The following ADAMTS17 variants were observed in gnomAD, a reference collection of about 807,000 sequenced individuals.
The protein encoded by ADAMTS17 is ADAM metallopeptidase with thrombospondin type 1 motif 17.
A neutral mutation model predicts 141.5 loss-of-function variants in ADAMTS17; 113 were observed. The ratio of observed to expected loss-of-function variants is 0.80; its 90% CI spans 0.69 to 0.93. ADAMTS17 has a LOEUF of 0.93. ADAMTS17 is among the 40% of genes least tolerant of loss of function. The probability of loss-of-function intolerance (pLI) is 0.00; values close to 1 mark genes in which losing one functional copy is unlikely to be tolerated. For missense variants in ADAMTS17, 1,659 were observed against 1,517.9 expected, an observed-to-expected ratio of 1.09 and a Z score of -1.54; for synonymous variants, 768 against 630.6, an observed-to-expected ratio of 1.22 and a Z score of -3.27.
chr15:100,041,908 A>G (rs1188268392), intron 18 of ADAMTS17, among the ~76,000 whole-genome samples: 1 of 152,146 alleles, frequency 6.6e-6, no homozygotes, highest in Non-Finnish European at 1.5e-5. Flanking sequence ...AAAGACAAAC[A>G]TCTCTGCCAC....
intron 18 of ADAMTS17, among the ~76,000 whole-genome samples, chr15:100,008,232 C>T (rs920042108): frequency 6.6e-6 from 1 of 151,936 alleles, no homozygotes. Context: ...CCAGAGGTGC[C>T]TGGGAGTCGG....
intron 3 of ADAMTS17, among the ~76,000 whole-genome samples, chr15:100,295,351 C>A (rs2142147305): frequency 6.6e-6 from 1 of 152,294 alleles, no homozygotes; most frequent in African/African-American, 2.4e-5. Context: ...TGGCTTCCTG[C>A]TGAGCTCTGT....
intron 7 of ADAMTS17, among the ~76,000 whole-genome samples, chr15:100,210,641 G>T (rs980253756): frequency 6.6e-6 from 1 of 152,212 alleles, no homozygotes; most frequent in Non-Finnish European, 1.5e-5. Context: ...GGATTGAAAT[G>T]AAAATTCTAA....
At chr15:100,141,318 C>T (rs1268340536) in intron 10 of ADAMTS17, among the ~76,000 whole-genome samples, 1 of 152,154 alleles carries the variant, frequency 6.6e-6, no homozygotes, top group Non-Finnish European at 1.5e-5. Context: ...TGGTGGTGTC[C>T]CTGTCAAGGA....
intron 18 of ADAMTS17, among the ~76,000 whole-genome samples, chr15:100,029,438 T>C (rs1317857580): frequency 1.3e-5 from 2 of 152,166 alleles, no homozygotes; most frequent in Non-Finnish European, 2.9e-5. Flanking sequence ...AGTCCTTTCA[T>C]TCATCCATTT....
At chr15:100,283,762 T>C (rs931892098) in intron 3 of ADAMTS17, among the ~76,000 whole-genome samples, 5 of 152,204 alleles carry the variant, frequency 3.3e-5, no homozygotes, top group African/African-American at 1.2e-4. Flanking sequence ...AAGTAGCCTG[T>C]CACTCCCAGA....
rs190117090 is a variant in ADAMTS17 at position 99,987,346 on chromosome 15, G to C, written c.2949+5702C>G. 7.4e-4 allele frequency among the ~76,000 whole-genome samples: 112 copies of C among 152,290 alleles called. 1 individual carries two copies. Among genetic ancestry groups the C allele is most frequent in the African/African-American group, 2.2e-3 (90 of 41,540 alleles). ...TGCTGCTGCTGCTGCTGCGGTGTTTGCCTCCCAAGACCTCGAAACTGGACA... is the reference window on the plus strand; with the variant it reads ...TGCTGCTGCTGCTGCTGCGGTGTTTCCCTCCCAAGACCTCGAAACTGGACA... On this transcript the variant is annotated intron_variant, in intron 20 of 21. Coordinates refer to ENST00000268070, the MANE Select transcript of ADAMTS17 (RefSeq NM_139057.4).
In ADAMTS17 at chr15:100,152,762, C is replaced by G; in HGVS notation, c.1323G>C (p.Lys441Asn). The G allele has an allele frequency of 6.2e-7, 1 of 1,614,146 alleles. No homozygotes were observed. Among genetic ancestry groups the G allele is most frequent in the South Asian group, 1.1e-5 (1 of 91,076 alleles). ...CTAGCAAGCAGGTGCTGACTTTTGA[C>G]CTGAAACAGCCGAGAGGCAAGTTGA... ...CSRDDLENFL[K>N]SKVSTCLLVT... Residue 441 changes from lysine to asparagine, a missense_variant and splice_region_variant, in exon 10 of 22, where the codon AAG becomes AAC. Physicochemically the swap from Lys to Asn is moderately conservative, Grantham distance 94. Coordinates refer to ENST00000268070, the MANE Select transcript of ADAMTS17 (RefSeq NM_139057.4).
At chr15:100,113,793 G>A (rs555764496) in intron 13 of ADAMTS17, among the ~76,000 whole-genome samples, 7 of 152,310 alleles carry the variant, frequency 4.6e-5, no homozygotes, top group East Asian at 1.9e-4. Flanking sequence ...TAACCATCAC[G>A]CCCCTCATCC....
chr15:100,030,576 C>T (rs1490658652), intron 18 of ADAMTS17, among the ~76,000 whole-genome samples: 1 of 152,158 alleles, frequency 6.6e-6, no homozygotes, highest in African/African-American at 2.4e-5. Flanking sequence ...GATGCTGAGA[C>T]CCTCCCATGA....
At chr15:100,152,335 G>A (rs945661456) in intron 10 of ADAMTS17, among the ~76,000 whole-genome samples, 2 of 152,200 alleles carry the variant, frequency 1.3e-5, no homozygotes. Flanking sequence ...AAGTGCCCGT[G>A]TGGGGGACTG....
intron 3 of ADAMTS17, among the ~76,000 whole-genome samples, chr15:100,307,454 A>T (rs190481055): frequency 1.8e-3 from 280 of 152,334 alleles, no homozygotes; most frequent in Middle Eastern, 3.4e-3. Flanking sequence ...GCAAGCAAGG[A>T]AGCCCCAGCC....
At chr15:100,146,855 T>C (rs1040655556) in intron 10 of ADAMTS17, among the ~76,000 whole-genome samples, 5 of 152,188 alleles carry the variant, frequency 3.3e-5, no homozygotes, top group African/African-American at 9.7e-5. Flanking sequence ...CAGTCTCCCA[T>C]AGCGCTCCCA....
intron 3 of ADAMTS17, among the ~76,000 whole-genome samples, chr15:100,311,829 GAA>G (rs112467336): frequency 1.2e-4 from 18 of 144,974 alleles, no homozygotes; most frequent in African/African-American, 2.3e-4. Context: ...AGTGAAAAAG[GAA>G]AAAAAAAAAA....
In ADAMTS17 at chr15:100,096,680, C is replaced by T. The variant is rs73476448; in HGVS notation, c.2017-204G>A. Among the ~76,000 whole-genome samples the T allele has an allele frequency of 2.0e-3, 300 of 150,246 alleles. 1 individual carries two copies. The highest frequency in any genetic ancestry group is 6.9e-3 in the African/African-American group (281 of 40,776). ...AACCTAGATTATATTTGTCTTTATACCCGCATAGCTGTAAAGTCTATTTTT... is the reference window on the plus strand; with the variant it reads ...AACCTAGATTATATTTGTCTTTATATCCGCATAGCTGTAAAGTCTATTTTT... On this transcript the variant is annotated intron_variant, in intron 14 of 21. Transcript: ENST00000268070.
At chr15:100,001,982 A>G (rs1222688865) in intron 18 of ADAMTS17, among the ~76,000 whole-genome samples, 1 of 137,136 alleles carries the variant, frequency 7.3e-6, no homozygotes. Context: ...GTCTCAAAAA[A>G]AAGGCCAAAC....
rs567084956 is a variant in ADAMTS17 at position 99,997,746 on chromosome 15, A to G, written c.2592-157T>C. Among the ~76,000 whole-genome samples the G allele has an allele frequency of 2.1e-4, 32 of 152,354 alleles. No individual in the cohort carries two copies. The highest frequency in any genetic ancestry group is 7.0e-4 in the African/African-American group (29 of 41,578). On this transcript the variant is annotated intron_variant, in intron 18 of 21. Transcript: ENST00000268070. The surrounding 1 kb of genome is among the most constrained non-coding windows in gnomAD (Gnocchi z 4.7). ...GCCAACCCTGGACATAACTCAGAGTATCGGCACAGAGGGAGTGACTTGAGT... is the reference window on the plus strand; with the variant it reads ...GCCAACCCTGGACATAACTCAGAGTGTCGGCACAGAGGGAGTGACTTGAGT...
At chr15:100,109,680 A>G (rs2036628744) in intron 13 of ADAMTS17, among the ~76,000 whole-genome samples, 1 of 152,108 alleles carries the variant, frequency 6.6e-6, no homozygotes, top group Admixed American at 6.5e-5. Flanking sequence ...GTGCGCCGCT[A>G]GGACAACTTA....
intron 7 of ADAMTS17, among the ~76,000 whole-genome samples, chr15:100,239,449 C>T (rs1242863245): frequency 2.0e-5 from 3 of 151,486 alleles, no homozygotes; most frequent in African/African-American, 7.4e-5. Flanking sequence ...TTCAGCTCTC[C>T]AAGGCTAAGG....
Sources: gnomAD v4.1 joint callset for allele counts (sites outside exome capture counted in the v4.1 genomes callset) on GRCh38, gnomAD v4.1.1 for gene constraint, Gnocchi (gnomAD v3.1) non-coding constraint, MANE v1.5 for transcripts, NCBI Gene and HGNC (gene_info 2026-07-23, HGNC 2026-07-21) for gene names.